PPP1R42: variants seen among roughly 807,000 people sequenced by gnomAD.
The protein encoded by PPP1R42 is protein phosphatase 1 regulatory subunit 42, also known as leucine rich repeat containing 67.
A neutral mutation model predicts 31.0 loss-of-function variants in PPP1R42; 34 were observed. The ratio of observed to expected loss-of-function variants is 1.10; its 90% CI spans 0.83 to 1.46. PPP1R42 has a LOEUF of 1.46. Among genes scored for constraint, PPP1R42 ranks in the 40% most tolerant of loss-of-function variants. The probability of loss-of-function intolerance (pLI) is 0.00; values close to 1 mark genes in which losing one functional copy is unlikely to be tolerated. For synonymous variants in PPP1R42, 103 were observed against 109.8 expected (o/e 0.94, Z 0.39); for missense variants, 268 against 303.0 (o/e 0.88, Z 0.86).
At chr8:66,967,129 AC>A (rs1563411052) in intron 7 of PPP1R42, among the ~76,000 whole-genome samples, 3 of 152,080 alleles carry the variant, frequency 2.0e-5, no homozygotes, top group Non-Finnish European at 4.4e-5. Context: ...GAGACAAGCT[AC>A]TACACCTGAA....
chr8:67,022,901 T>A (rs1022861260), intron 1 of PPP1R42, among the ~76,000 whole-genome samples: 1 of 152,166 alleles, frequency 6.6e-6, no homozygotes, highest in African/African-American at 2.4e-5. Context: ...AACTTTAACA[T>A]CAATTTTTCA....
intron 5 of PPP1R42, among the ~76,000 whole-genome samples, chr8:66,993,778 G>A (rs1815257463): frequency 6.6e-6 from 1 of 152,088 alleles, no homozygotes; most frequent in Non-Finnish European, 1.5e-5. Context: ...TCACTTTTGT[G>A]TCCCCCATTG....
At chr8:67,006,437 G>A (rs1010851662) in intron 5 of PPP1R42, among the ~76,000 whole-genome samples, 3 of 152,138 alleles carry the variant, frequency 2.0e-5, no homozygotes, top group Non-Finnish European at 4.4e-5. Flanking sequence ...TCCTGTCCTG[G>A]GCTCAAGCGA....
rs146388384 is a variant in PPP1R42 at position 66,998,524 on chromosome 8, C to A, written c.553-10007G>T. Among the ~76,000 whole-genome samples the A allele has an allele frequency of 2.6e-5, 4 of 152,272 alleles. No homozygotes were observed. The East Asian group carries it at 7.7e-4, about 29-fold the overall frequency. ...AAAGAACATTTTGTTTCTTCCTTTT[C>A]AAGCAATGTCATTTGTTTCATTTTT... On this transcript the variant is annotated intron_variant, in intron 5 of 7. Transcript: ENST00000685739.
At chr8:67,018,830 T>C (rs1263850354) in intron 1 of PPP1R42, among the ~76,000 whole-genome samples, 1 of 27,374 alleles carries the variant, frequency 3.7e-5, no homozygotes. Flanking sequence ...CCCCCCTTTT[T>C]TTTTTTTTTT....
chr8:66,982,443 T>G (rs778133885), intron 6 of PPP1R42, among the ~76,000 whole-genome samples: 2 of 152,160 alleles, frequency 1.3e-5, no homozygotes, highest in Non-Finnish European at 2.9e-5. Context: ...TCTGTAATTA[T>G]TATCCCCCTT....
At chr8:66,984,451 C>A in intron 6 of PPP1R42, 3 of 1,284,556 alleles carry the variant, frequency 2.3e-6, no homozygotes, top group Middle Eastern at 1.9e-4. Context: ...CACGTTGACA[C>A]CCTTGTGCAG....
chr8:67,002,920 G>A (rs1394232963), intron 5 of PPP1R42, among the ~76,000 whole-genome samples: 6 of 150,544 alleles, frequency 4.0e-5, no homozygotes, highest in African/African-American at 7.3e-5. Context: ...TTGGGAGGCC[G>A]AGGCGGTTTG....
chr8:67,009,752 G>A (rs1216889070), intron 5 of PPP1R42, among the ~76,000 whole-genome samples: 2 of 152,132 alleles, frequency 1.3e-5, no homozygotes, highest in Non-Finnish European at 2.9e-5. Flanking sequence ...ATTTGTGCTA[G>A]AATACATATA....
At chr8:67,003,410 T>C (rs1168008459) in intron 5 of PPP1R42, among the ~76,000 whole-genome samples, 50 of 94,020 alleles carry the variant, frequency 5.3e-4, no homozygotes, top group East Asian at 1.4e-3. Flanking sequence ...TTTTTTTTTT[T>C]CCACAAGACT....
chr8:66,979,271 G>T (rs1370393602), intron 7 of PPP1R42, among the ~76,000 whole-genome samples: 3 of 152,108 alleles, frequency 2.0e-5, no homozygotes, highest in African/African-American at 7.2e-5. Flanking sequence ...TCTGCATATG[G>T]ATATCCAGTT....
intron 6 of PPP1R42, chr8:66,984,855 C>T: frequency 1.3e-6 from 2 of 1,587,850 alleles, no homozygotes; most frequent in East Asian, 2.2e-5. Context: ...GTAGTTCCTT[C>T]TGTGCTTCCC....
chr8:66,992,869 C>G (rs1276056501), intron 5 of PPP1R42, among the ~76,000 whole-genome samples: 23 of 152,132 alleles, frequency 1.5e-4, no homozygotes, highest in Admixed American at 1.5e-3. Context: ...TTTCTTTGTA[C>G]TCTCTCCCCT....
intron 7 of PPP1R42, among the ~76,000 whole-genome samples, chr8:66,980,941 C>A (rs1441755979): frequency 6.6e-6 from 1 of 151,894 alleles, no homozygotes; most frequent in Non-Finnish European, 1.5e-5. Flanking sequence ...CTCCCGGGTT[C>A]AAGTGATTCT....
intron 6 of PPP1R42, chr8:66,985,855 C>T: frequency 8.4e-7 from 1 of 1,190,548 alleles, no homozygotes; most frequent in Non-Finnish European, 1.2e-6. Flanking sequence ...CAGGGATCAC[C>T]TCTGGCTCTT....
intron 7 of PPP1R42, among the ~76,000 whole-genome samples, chr8:66,968,737 G>C (rs1422648715): frequency 6.6e-6 from 1 of 151,966 alleles, no homozygotes; most frequent in East Asian, 1.9e-4. Flanking sequence ...TAATATATTT[G>C]ATTACCTTTT....
chr8:66,984,486 T>A, intron 6 of PPP1R42: 1 of 1,242,488 alleles, frequency 8.0e-7, no homozygotes, highest in Non-Finnish European at 1.2e-6. Context: ...TCAGGTACAG[T>A]TGCCCAGCAT....
chr8:66,984,473 C>G, intron 6 of PPP1R42: 1 of 1,283,966 alleles, frequency 7.8e-7, no homozygotes, highest in Non-Finnish European at 1.1e-6. Context: ...AACACCACTC[C>G]TATCAGGTAC....
chr8:67,015,900 A>G (rs1342783288), intron 2 of PPP1R42, among the ~76,000 whole-genome samples: 1 of 152,242 alleles, frequency 6.6e-6, no homozygotes, highest in Non-Finnish European at 1.5e-5. Context: ...GGAAACTGTA[A>G]GTTTAGAAGT....
Sources: allele counts gnomAD v4.1 joint callset (sites outside exome capture counted in the v4.1 genomes callset), GRCh38; gene constraint gnomAD v4.1.1; transcripts MANE v1.5; gene names NCBI Gene and HGNC (gene_info 2026-07-23, HGNC 2026-07-21).